NSUN6: variants seen among roughly 807,000 people sequenced by gnomAD.
NSUN6 encodes tRNA (cytosine(72)-C(5))-methyltransferase NSUN6.
NSUN6 carries 64 observed loss-of-function variants against 58.0 expected under a neutral mutation model. That is an observed-to-expected ratio of 1.10 (90% CI 0.90 to 1.36). The LOEUF is 1.36. Ranked by LOEUF, NSUN6 falls within the 40% of genes most tolerant of loss-of-function variation. The pLI, the probability that NSUN6 is intolerant of heterozygous loss-of-function variation, is 0.00. For missense variants in NSUN6, 701 were observed against 550.1 expected, an observed-to-expected ratio of 1.27 and a Z score of -2.74; for synonymous variants, 231 against 193.9, an observed-to-expected ratio of 1.19 and a Z score of -1.59.
chr10:18,654,091 A>G (rs1290871060), upstream of NSUN6, among the ~76,000 whole-genome samples: 1 of 152,096 alleles, frequency 6.6e-6, no homozygotes, highest in Admixed American at 6.5e-5. Context: ...AAGGTTGATA[A>G]AACACTGATT....
intron 8 of NSUN6, among the ~76,000 whole-genome samples, chr10:18,562,553 A>G (rs2055600618): frequency 6.7e-6 from 1 of 149,340 alleles, no homozygotes; most frequent in Non-Finnish European, 1.5e-5. Context: ...ATAGAATGGA[A>G]TGGAGAATGG....
chr10:18,656,726 TTTG>T (rs1369638744), upstream of NSUN6, among the ~76,000 whole-genome samples: 1 of 152,084 alleles, frequency 6.6e-6, no homozygotes, highest in Non-Finnish European at 1.5e-5. Context: ...TTTAAAATAT[TTTG>T]TTGAACTGGA....
At chr10:18,605,234 A>G (rs2058007425) in intron 6 of NSUN6, among the ~76,000 whole-genome samples, 1 of 151,838 alleles carries the variant, frequency 6.6e-6, no homozygotes, top group African/African-American at 2.4e-5. Flanking sequence ...GTTTCATACT[A>G]TGTGGATTAA....
At chr10:18,560,842 TG>T (rs1564719648) in intron 8 of NSUN6, among the ~76,000 whole-genome samples, 1 of 145,428 alleles carries the variant, frequency 6.9e-6, no homozygotes, top group Admixed American at 6.9e-5. Flanking sequence ...TGGAAGAGAA[TG>T]GAATGGGGTG....
chr10:18,575,285 C>T (rs2056594576), intron 8 of NSUN6, among the ~76,000 whole-genome samples: 1 of 152,092 alleles, frequency 6.6e-6, no homozygotes. Context: ...AAAAGATTAC[C>T]TCTCAGGTAA....
chr10:18,614,029 T>C (rs139130369), intron 5 of NSUN6, among the ~76,000 whole-genome samples: 2 of 152,296 alleles, frequency 1.3e-5, no homozygotes, highest in South Asian at 2.1e-4. Context: ...CAAATATTCA[T>C]GTGAGTGCTA....
At chr10:18,603,418 G>A (rs923718849) in intron 6 of NSUN6, among the ~76,000 whole-genome samples, 1 of 152,136 alleles carries the variant, frequency 6.6e-6, no homozygotes, top group South Asian at 2.1e-4. Flanking sequence ...ACATATTGGT[G>A]GAGGTGCAAG....
chr10:18,653,176 A>G, upstream of NSUN6: 1 of 984,928 alleles, frequency 1.0e-6, no homozygotes, highest in Non-Finnish European at 1.2e-6. Flanking sequence ...CTACATTTTA[A>G]ACTCCACAAG....
At chr10:18,627,752 G>A (rs376111136) in intron 3 of NSUN6, among the ~76,000 whole-genome samples, 3 of 152,380 alleles carry the variant, frequency 2.0e-5, no homozygotes, top group East Asian at 3.9e-4. Flanking sequence ...GGCTCGGAGG[G>A]TCCTACGCCC....
chr10:18,627,646 T>A (rs2058862899), intron 3 of NSUN6, among the ~76,000 whole-genome samples: 1 of 152,038 alleles, frequency 6.6e-6, no homozygotes, highest in African/African-American at 2.4e-5. Context: ...AAGAAAGGGG[T>A]GACAGACGGC....
At chr10:18,549,013 C>T (rs1029441397) in intron 9 of NSUN6, among the ~76,000 whole-genome samples, 1 of 152,088 alleles carries the variant, frequency 6.6e-6, no homozygotes, top group African/African-American at 2.4e-5. Flanking sequence ...TTATTCCAAC[C>T]GCCTCCTACT....
upstream of NSUN6, among the ~76,000 whole-genome samples, chr10:18,654,207 T>A (rs2059753426): frequency 2.6e-5 from 4 of 152,228 alleles, no homozygotes; most frequent in Admixed American, 2.6e-4. Flanking sequence ...GCGATTCTCC[T>A]GCCTCAGCCT....
intron 8 of NSUN6, among the ~76,000 whole-genome samples, chr10:18,567,412 TCATGCTCCATTTCATTC>T (rs1381614341): frequency 1.3e-4 from 20 of 149,284 alleles, no homozygotes; most frequent in East Asian, 4.0e-4. Flanking sequence ...TCATTGCATT[TCATGCTCCATTTCATTC>T]CATGCTCCAT....
chr10:18,651,419 G>A lies in NSUN6; in HGVS notation c.-216C>T, dbSNP rs183733298. 4.5e-5 allele frequency: 56 copies of A among 1,243,766 alleles called. 1 individual carries two copies. In the African/African-American group the frequency reaches 8.4e-4, roughly 19 times the overall value. The allele number at this position is 1,243,766 out of a possible 1,614,324, so 77.0% of individuals were successfully genotyped here. A position where few individuals can be genotyped will look rare whatever the true frequency, so the allele number is the denominator to read the frequency against. ...TGCCGGGCTTCCACCACACCTCATCGAGGCAATGTTTTCTGGTAGAGATGC... is the reference window on the plus strand; with the variant it reads ...TGCCGGGCTTCCACCACACCTCATCAAGGCAATGTTTTCTGGTAGAGATGC... On this transcript the variant is annotated 5_prime_UTR_variant, in exon 1 of 11. Coordinates refer to ENST00000377304, the MANE Select transcript of NSUN6 (RefSeq NM_182543.5).
At chr10:18,631,018 A>G (rs923812733) in intron 3 of NSUN6, among the ~76,000 whole-genome samples, 1 of 151,978 alleles carries the variant, frequency 6.6e-6, no homozygotes, top group Non-Finnish European at 1.5e-5. Context: ...AATACTGGCA[A>G]ACCGAATCCA....
chr10:18,645,484 C>T (rs556363425), intron 2 of NSUN6, among the ~76,000 whole-genome samples: 23 of 152,246 alleles, frequency 1.5e-4, no homozygotes, highest in Admixed American at 3.3e-4. Flanking sequence ...AAATTTGAAA[C>T]AATACGTAGC....
At chr10:18,550,776 G>A (rs866278852) in intron 9 of NSUN6, among the ~76,000 whole-genome samples, 1 of 149,760 alleles carries the variant, frequency 6.7e-6, no homozygotes, top group African/African-American at 2.5e-5. Flanking sequence ...CCAGGCTGGA[G>A]TGCAGTGGCA....
intron 1 of NSUN6, 32 bp from the exon 2 acceptor site, chr10:18,648,677 GAATT>G: frequency 7.3e-7 from 1 of 1,367,154 alleles, no homozygotes. Flanking sequence ...AATTTCCTGA[GAATT>G]AAAAACAGTC....
chr10:18,599,200 G>C (rs1396449969), intron 6 of NSUN6, among the ~76,000 whole-genome samples: 2 of 152,106 alleles, frequency 1.3e-5, no homozygotes, highest in Non-Finnish European at 2.9e-5. Flanking sequence ...ACCACACCTG[G>C]CTAATCTTTA....
Sources: allele counts gnomAD v4.1 joint callset (sites outside exome capture counted in the v4.1 genomes callset), GRCh38; gene constraint gnomAD v4.1.1; transcripts MANE v1.5; gene names NCBI Gene and HGNC (gene_info 2026-07-23, HGNC 2026-07-21).